CRPPA: variants seen among roughly 807,000 people sequenced by gnomAD.
CRPPA encodes the protein CDP-L-ribitol pyrophosphorylase A.
Under a neutral mutation model 52.0 loss-of-function variants are expected in CRPPA, and 43 were observed. The ratio of observed to expected loss-of-function variants is 0.83; its 90% CI spans 0.65 to 1.07. CRPPA has a LOEUF of 1.07. CRPPA is among the 50% of genes least tolerant of loss of function. CRPPA has a pLI of 0.00. For missense variants in CRPPA, 629 were observed against 551.7 expected (o/e 1.14, Z -1.40); for synonymous variants, 250 against 203.5 (o/e 1.23, Z -1.94).
At chr7:16,340,003 G>C (rs532005753) in intron 3 of CRPPA, among the ~76,000 whole-genome samples, 1 of 152,148 alleles carries the variant, frequency 6.6e-6, no homozygotes, top group Non-Finnish European at 1.5e-5. Context: ...ATATAATAAA[G>C]CAAAGAAAAT....
In CRPPA at chr7:16,088,219, C is replaced by A. The variant is rs1025295391; in HGVS notation, c.*3476G>T. ...CTTTAATTTGCATTTAACTAACTAGCGTAAGTTTAGAAAGAAAACCATTTT... is the reference window on the plus strand; with the variant it reads ...CTTTAATTTGCATTTAACTAACTAGAGTAAGTTTAGAAAGAAAACCATTTT... On this transcript the variant is annotated 3_prime_UTR_variant, in exon 10 of 10. Coordinates refer to ENST00000407010, the MANE Select transcript of CRPPA (RefSeq NM_001101426.4). The A allele has an allele frequency of 3.3e-5, 5 of 152,058 alleles. No homozygotes were observed. The highest frequency in any genetic ancestry group is 1.2e-4 in the African/African-American group (5 of 41,386). 9.4% of individuals were successfully genotyped at this position (152,058 alleles called of 1,614,324 possible).
At chr7:16,117,620 C>G (rs997762629) in intron 9 of CRPPA, among the ~76,000 whole-genome samples, 4 of 152,192 alleles carry the variant, frequency 2.6e-5, no homozygotes, top group Non-Finnish European at 5.9e-5. Flanking sequence ...GGAGCACATC[C>G]TTGCCACTTG....
chr7:16,262,285 A>G (rs1334122263), intron 6 of CRPPA, among the ~76,000 whole-genome samples: 1 of 152,086 alleles, frequency 6.6e-6, no homozygotes, highest in East Asian at 1.9e-4. Context: ...TACTTTAGCT[A>G]CCATTTTTTT....
chr7:16,323,348 T>C (rs1785305127), intron 3 of CRPPA, among the ~76,000 whole-genome samples: 1 of 152,158 alleles, frequency 6.6e-6, no homozygotes, highest in Admixed American at 6.5e-5. Flanking sequence ...GTAAAATAAA[T>C]TTCCCCACCC....
intron 3 of CRPPA, among the ~76,000 whole-genome samples, chr7:16,367,220 G>T (rs999720348): frequency 2.0e-5 from 3 of 151,146 alleles, no homozygotes; most frequent in Non-Finnish European, 4.4e-5. Flanking sequence ...TATACCCCTT[G>T]CTCCCTGTGC....
chr7:16,297,940 C>A (rs1313755730), intron 5 of CRPPA, among the ~76,000 whole-genome samples: 2 of 152,146 alleles, frequency 1.3e-5, no homozygotes, highest in Non-Finnish European at 2.9e-5. Flanking sequence ...CTCTGTATAT[C>A]CTGCTGGTTC....
intron 9 of CRPPA, chr7:16,209,155 G>A (rs1413463007): frequency 5.6e-6 from 2 of 359,026 alleles, no homozygotes; most frequent in African/African-American, 2.1e-5. Flanking sequence ...CTAAGGCTTA[G>A]TGCATTAAGC....
intron 9 of CRPPA, among the ~76,000 whole-genome samples, chr7:16,139,548 T>C (rs1049504118): frequency 2.0e-5 from 3 of 152,172 alleles, no homozygotes; most frequent in African/African-American, 7.2e-5. Context: ...CAAAAGTTAC[T>C]GTGGTTTTTG....
intron 1 of CRPPA, among the ~76,000 whole-genome samples, chr7:16,420,860 T>TG (rs1214179852): frequency 6.6e-6 from 1 of 152,026 alleles, no homozygotes; most frequent in South Asian, 2.1e-4. Context: ...AAGGGCTCTG[T>TG]GGGGGAGCTG....
intron 2 of CRPPA, among the ~76,000 whole-genome samples, chr7:16,404,072 G>A (rs567381534): frequency 6.6e-6 from 1 of 152,136 alleles, no homozygotes; most frequent in Non-Finnish European, 1.5e-5. Flanking sequence ...ACATCTGTCT[G>A]GTTCTCTCAT....
intron 8 of CRPPA, among the ~76,000 whole-genome samples, chr7:16,228,849 C>G (rs916800067): frequency 3.3e-5 from 5 of 151,906 alleles, no homozygotes; most frequent in Admixed American, 3.3e-4. Flanking sequence ...CCAACATTCC[C>G]TTATTGGTTT....
At chr7:16,234,993 C>G (rs573007792) in intron 8 of CRPPA, among the ~76,000 whole-genome samples, 12 of 152,074 alleles carry the variant, frequency 7.9e-5, no homozygotes, top group African/African-American at 2.9e-4. Flanking sequence ...GCAAACTACT[C>G]AATAAGGAAA....
In CRPPA at chr7:16,258,464, G is replaced by C; in HGVS notation, c.1045C>G (p.Gln349Glu). The C allele has an allele frequency of 1.2e-6, 2 of 1,601,410 alleles. No homozygotes were observed. Among genetic ancestry groups the C allele is most frequent in the South Asian group, 1.1e-5 (1 of 89,010 alleles). The change falls in exon 8 of 10, where the codon CAA becomes GAA. Residue 349 changes from glutamine (Q) to glutamate (E), a missense_variant. By Grantham distance (29) the Gln-to-Glu change is conservative. Transcript: ENST00000407010. Reference sequence around the variant, plus strand: ...ATGCTCAGTAACTTCTGGGTTTCTTGAAAATCAGAGGTTGTAACCTAAAAG... The same window carrying C: ...ATGCTCAGTAACTTCTGGGTTTCTTCAAAATCAGAGGTTGTAACCTAAAAG... ...VCVNVTTSDF[Q>E]ETQKLLSMLE... is the part of the protein sequence containing the mutation.
intron 3 of CRPPA, among the ~76,000 whole-genome samples, chr7:16,320,270 T>C (rs1430433780): frequency 6.6e-6 from 1 of 152,132 alleles, no homozygotes; most frequent in African/African-American, 2.4e-5. Context: ...TTGTCTTCCA[T>C]AAAAGTGGTT....
At position 16,286,031 on chromosome 7, in the gene CRPPA, AAAAAAAAATATAAATATATAT is replaced by A. The variant is rs1562608227; in HGVS notation, c.836-7826_836-7806del. On this transcript the variant is annotated intron_variant, in intron 5 of 9. Transcript: ENST00000407010. Reference sequence around the variant, plus strand: ...GTGAAACTCCATCTCAAAAAAAAAAAAAAAAAAATATAAATATATATATATATATATATATATATATATATA... The same window carrying A: ...GTGAAACTCCATCTCAAAAAAAAAAAATATATATATATATATATATATATA... Among the ~76,000 whole-genome samples the A allele has an allele frequency of 8.5e-4, 23 of 27,128 alleles. 1 individual carries two copies. The highest frequency in any genetic ancestry group is 5.6e-3 in the African/African-American group (23 of 4,098). 17.8% of individuals were successfully genotyped at this position (27,128 alleles called of 152,430 possible).
At chr7:16,272,165 T>C (rs1784104030) in intron 6 of CRPPA, among the ~76,000 whole-genome samples, 1 of 152,046 alleles carries the variant, frequency 6.6e-6, no homozygotes, top group South Asian at 2.1e-4. Flanking sequence ...AGGAGGAAAA[T>C]AGCAAGACTG....
intron 9 of CRPPA, among the ~76,000 whole-genome samples, chr7:16,139,371 A>G: frequency 6.6e-6 from 1 of 152,212 alleles, no homozygotes; most frequent in Non-Finnish European, 1.5e-5. Context: ...GTTTAAATGA[A>G]AAGTCTAAGA....
At chr7:16,308,778 T>C (rs1247645353) in intron 3 of CRPPA, among the ~76,000 whole-genome samples, 151 bp from the exon 4 acceptor site, 1 of 152,224 alleles carries the variant, frequency 6.6e-6, no homozygotes, top group African/African-American at 2.4e-5. Context: ...AACATCCCCA[T>C]TAGCTAAAAG....
intron 9 of CRPPA, among the ~76,000 whole-genome samples, chr7:16,174,009 G>C (rs1243379452): frequency 6.6e-6 from 1 of 152,068 alleles, no homozygotes; most frequent in Non-Finnish European, 1.5e-5. Context: ...TCCAAATGTG[G>C]AAGGTAAATA....
Sources: gnomAD v4.1 joint callset for allele counts (sites outside exome capture counted in the v4.1 genomes callset) on GRCh38, gnomAD v4.1.1 for gene constraint, MANE v1.5 for transcripts, NCBI Gene and HGNC (gene_info 2026-07-23, HGNC 2026-07-21) for gene names.